Variants in MALRD1 observed in about 807,000 individuals in gnomAD.
MALRD1 encodes MAM and LDL receptor class A domain containing 1.
In MALRD1, 247 loss-of-function variants were observed where a neutral mutation model predicts 242.1. That is an observed-to-expected ratio of 1.02 (90% CI 0.92 to 1.13). The LOEUF (loss-of-function observed/expected upper bound fraction) is 1.13. MALRD1 is among the 50% of genes most tolerant of loss of function. The pLI is 0.00. For missense variants in MALRD1, 2,989 were observed against 2,533.1 expected, an observed-to-expected ratio of 1.18 and a Z score of -3.86; for synonymous variants, 995 against 866.6, an observed-to-expected ratio of 1.15 and a Z score of -2.60.
At chr10:19,694,156 A>C (rs1833249140) in intron 38 of MALRD1, among the ~76,000 whole-genome samples, 1 of 152,266 alleles carries the variant, frequency 6.6e-6, no homozygotes, top group Admixed American at 6.5e-5. Flanking sequence ...CATTCAGGAC[A>C]TAGGCATGGG....
intron 5 of MALRD1, among the ~76,000 whole-genome samples, chr10:19,105,839 T>C (rs1171144837): frequency 6.6e-6 from 1 of 151,934 alleles, no homozygotes; most frequent in African/African-American, 2.4e-5. Context: ...GAAATAGCTA[T>C]TGAGGTTTTG....
chr10:19,722,590 T>TAAAAAAAAAAAAAAAAAAAAAAAAA (rs372286640), intron 38 of MALRD1: 62 of 45,350 alleles, frequency 1.4e-3, no homozygotes, highest in Non-Finnish European at 1.7e-3. Context: ...ACCATGTCTC[T>TAAAAAAAAAAAAAAAAAAAAAAAAA]AAAAAAAAAA....
intron 26 of MALRD1, among the ~76,000 whole-genome samples, chr10:19,383,384 A>C (rs1349306605): frequency 6.6e-6 from 1 of 152,142 alleles, no homozygotes; most frequent in African/African-American, 2.4e-5. Context: ...ATATAATCTC[A>C]TTCTATTTTA....
At chr10:19,730,877 T>C in intron 39 of MALRD1, 96 bp downstream of exon 39, 1 of 1,123,942 alleles carries the variant, frequency 8.9e-7, no homozygotes, top group East Asian at 2.6e-5. Flanking sequence ...CTTGATCATG[T>C]TTCTACATCA....
intron 29 of MALRD1, among the ~76,000 whole-genome samples, chr10:19,458,760 T>A (rs1177549265): frequency 6.6e-6 from 1 of 152,080 alleles, no homozygotes; most frequent in Non-Finnish European, 1.5e-5. Flanking sequence ...CAAAAGTAAG[T>A]CTCATCAGGT....
At chr10:19,483,100 T>A (rs1159497593) in intron 29 of MALRD1, among the ~76,000 whole-genome samples, 1 of 150,964 alleles carries the variant, frequency 6.6e-6, no homozygotes, top group Non-Finnish European at 1.5e-5. Flanking sequence ...AATAGACACA[T>A]AGACCAATGG....
intron 18 of MALRD1, among the ~76,000 whole-genome samples, chr10:19,213,175 A>G (rs2583656): frequency 0.74 from 111,732 of 151,890 alleles, 41,351 homozygotes; most frequent in South Asian, 0.84. Context: ...CAGAGTTCCA[A>G]ATGTTTTCAC....
intron 18 of MALRD1, among the ~76,000 whole-genome samples, chr10:19,252,245 T>A (rs1839321835): frequency 6.6e-6 from 1 of 151,986 alleles, no homozygotes; most frequent in Non-Finnish European, 1.5e-5. Context: ...TTTTGAAATA[T>A]TGGCAACCAA....
At chr10:19,279,763 T>G (rs1840712447) in intron 19 of MALRD1, among the ~76,000 whole-genome samples, 4 of 152,250 alleles carry the variant, frequency 2.6e-5, no homozygotes, top group Admixed American at 2.0e-4. Flanking sequence ...CTGCTGATTC[T>G]CTAAGCCCTG....
At chr10:19,171,613 T>C (rs1033670821) in intron 13 of MALRD1, among the ~76,000 whole-genome samples, 23 of 97,264 alleles carry the variant, frequency 2.4e-4, no homozygotes, top group Admixed American at 4.6e-4. Flanking sequence ...CACACACACA[T>C]ATATGTCTAT....
intron 27 of MALRD1, among the ~76,000 whole-genome samples, 166 bp downstream of exon 27, chr10:19,387,939 G>A (rs1360260183): frequency 6.6e-6 from 1 of 152,268 alleles, no homozygotes. Flanking sequence ...CTGTAAGAAA[G>A]GGCCACAGAG....
intron 31 of MALRD1, among the ~76,000 whole-genome samples, chr10:19,529,924 A>C (rs2131342774): frequency 6.6e-6 from 1 of 152,204 alleles, no homozygotes; most frequent in East Asian, 1.9e-4. Context: ...CAAAACATAG[A>C]ATATGTTCTA....
rs1447661662 is a variant in MALRD1 at position 19,389,603 on chromosome 10, C to G, written c.4839C>G (p.Leu1613=). The G allele has an allele frequency of 1.9e-6, 3 of 1,549,716 alleles. No individual in the cohort carries two copies. The highest frequency in any genetic ancestry group is 2.6e-6 in the Non-Finnish European group (3 of 1,146,568). ...AGGCCACAGGATCCATTCAGATTCT[C>G]ATCAAGGTAGGAACATGGCCTGTGA... The part of the protein sequence containing the change: ...SAKATGSIQI[L]IKTEKGLSKV... The change falls in exon 28 of 40, where the codon CTC becomes CTG. Residue 1613 remains leucine (L), a synonymous_variant. Coordinates refer to ENST00000454679, the MANE Select transcript of MALRD1 (RefSeq NM_001142308.3).
At chr10:19,492,087 A>G (rs1014277211) in intron 30 of MALRD1, among the ~76,000 whole-genome samples, 22 of 151,642 alleles carry the variant, frequency 1.5e-4, no homozygotes, top group African/African-American at 5.1e-4. Context: ...AATTAATTTT[A>G]TCAATTACAT....
chr10:19,346,229 G>A, intron 24 of MALRD1, among the ~76,000 whole-genome samples: 1 of 152,118 alleles, frequency 6.6e-6, no homozygotes, highest in East Asian at 1.9e-4. Context: ...CTGATTTGAT[G>A]CCAAGTGCAA....
chr10:19,461,494 A>C lies in MALRD1; in HGVS notation c.5029+11004A>C, dbSNP rs993386190. On this transcript the variant is annotated intron_variant, in intron 29 of 39. Coordinates refer to ENST00000454679, the MANE Select transcript of MALRD1 (RefSeq NM_001142308.3). ...TAAAAGGAGTTCATGTAAAGGTACAAGGAATCACATCAATCAAGAATATGG... is the reference window on the plus strand; with the variant it reads ...TAAAAGGAGTTCATGTAAAGGTACACGGAATCACATCAATCAAGAATATGG... 2.0e-5 allele frequency among the ~76,000 whole-genome samples: 3 copies of C among 152,210 alleles called. No individual in the cohort carries two copies. In the East Asian group the frequency reaches 5.8e-4, roughly 29 times the overall value.
intron 32 of MALRD1, among the ~76,000 whole-genome samples, chr10:19,543,256 C>T (rs1207388431): frequency 1.6e-5 from 2 of 122,334 alleles, no homozygotes; most frequent in East Asian, 2.3e-4. Context: ...GCTGATTTTT[C>T]GTTTTTGTTT....
At chr10:19,056,287 G>A (rs1010055500) in intron 1 of MALRD1, among the ~76,000 whole-genome samples, 2 of 150,698 alleles carry the variant, frequency 1.3e-5, no homozygotes, top group African/African-American at 4.9e-5. Context: ...GAGTGCTATG[G>A]GCATTTTGAC....
intron 14 of MALRD1, among the ~76,000 whole-genome samples, chr10:19,197,610 G>A (rs534649795): frequency 1.2e-4 from 19 of 152,164 alleles, no homozygotes; most frequent in South Asian, 8.3e-4. Flanking sequence ...GTCCTTTACC[G>A]GCATAGCTCC....
Sources: gnomAD v4.1 joint callset for allele counts (sites outside exome capture counted in the v4.1 genomes callset) on GRCh38, gnomAD v4.1.1 for gene constraint, MANE v1.5 for transcripts, NCBI Gene and HGNC (gene_info 2026-07-23, HGNC 2026-07-21) for gene names.